Variants in HLA-DQA1 observed in about 807,000 individuals in gnomAD.
HLA-DQA1 encodes HLA class II histocompatibility antigen, DQ alpha 1 chain.
HLA-DQA1 carries 10 observed loss-of-function variants against 20.7 expected under a neutral mutation model. The observed-to-expected ratio is 0.48, with a 90% CI of 0.30 to 0.82. HLA-DQA1 has a LOEUF of 0.82. HLA-DQA1 is among the 40% of genes least tolerant of loss of function. The pLI is 0.07. For missense variants in HLA-DQA1, 127 were observed against 293.0 expected, an observed-to-expected ratio of 0.43 and a Z score of 4.14; for synonymous variants, 39 against 109.2, an observed-to-expected ratio of 0.36 and a Z score of 4.01.
chr6:32,654,295 C>A, the HLA-DQA1 span, among the ~76,000 whole-genome samples: 4 of 75,656 alleles, frequency 5.3e-5, 1 homozygote, highest in African/African-American at 1.3e-4. Context: ...GGCCCTGTCT[C>A]AAAAAAAAAA....
chr6:32,650,844 TATAATAATAATAATA>T (rs199519440), downstream of HLA-DQA1, among the ~76,000 whole-genome samples: 91 of 63,602 alleles, frequency 1.4e-3, 25 homozygotes, highest in African/African-American at 2.6e-3. Context: ...GAGCTTAAAG[TATAATAATAATAATA>T]ATAATAATAA....
Position 32,637,544 on chromosome 6 carries a change from A to T in HLA-DQA1, c.82+4A>T. ...TGTGGAGGTGAAGACATTGTGGGTG[A>T]GTGCATGAGTGAGGGATGTTCTCTG... On this transcript the variant is annotated splice_donor_region_variant and intron_variant, in intron 1 of 4. Coordinates refer to ENST00000343139, the MANE Select transcript of HLA-DQA1 (RefSeq NM_002122.5). 3.6e-6 allele frequency: 4 copies of T among 1,098,164 alleles called. 1 individual carries two copies. The highest frequency in any genetic ancestry group is 5.2e-6 in the Non-Finnish European group (4 of 771,106). 68.0% of individuals were successfully genotyped at this position (1,098,164 alleles called of 1,614,324 possible).
At chr6:32,639,092 C>A in intron 1 of HLA-DQA1, 1 of 244,044 alleles carries the variant, frequency 4.1e-6, no homozygotes, top group South Asian at 3.0e-5. Flanking sequence ...TCACCTGCTT[C>A]TCCAGAGCGC....
At chr6:32,646,038 A>C (rs1781886124), downstream of HLA-DQA1, 2 of 150,252 alleles carry the variant, frequency 1.3e-5, 1 homozygote, top group African/African-American at 4.9e-5. Context: ...TGTATTCAAA[A>C]AATATTTACG....
intron 1 of HLA-DQA1, chr6:32,638,973 T>C: frequency 2.8e-6 from 1 of 358,074 alleles, no homozygotes; most frequent in Non-Finnish European, 5.6e-6. Flanking sequence ...AAACAAAAGT[T>C]GAAAAGTCAG....
At chr6:32,652,583 T>C in the HLA-DQA1 span, among the ~76,000 whole-genome samples, 1 of 151,296 alleles carries the variant, frequency 6.6e-6, no homozygotes, top group African/African-American at 2.4e-5. Flanking sequence ...TTTTTTCAAC[T>C]TTTAGAATTA....
At chr6:32,654,230 G>A in the HLA-DQA1 span, among the ~76,000 whole-genome samples, 1 of 101,924 alleles carries the variant, frequency 9.8e-6, no homozygotes, top group African/African-American at 3.3e-5. Flanking sequence ...ACTGAGCCCA[G>A]GAAGTCAAGG....
downstream of HLA-DQA1, among the ~76,000 whole-genome samples, chr6:32,650,943 T>A (rs28822369): frequency 1.3e-5 from 1 of 77,448 alleles, no homozygotes; most frequent in Admixed American, 1.6e-4. Context: ...GCCCAGGCTG[T>A]AGTGCAGTGG....
the HLA-DQA1 span, among the ~76,000 whole-genome samples, chr6:32,653,410 T>C: frequency 2.1e-5 from 2 of 93,854 alleles, 1 homozygote; most frequent in Non-Finnish European, 4.7e-5. Context: ...ACTACAGGTG[T>C]GTGCCACCAC....
downstream of HLA-DQA1, chr6:32,644,280 T>G (rs28371173): frequency 6.6e-6 from 1 of 152,080 alleles, no homozygotes; most frequent in South Asian, 2.1e-4. Context: ...CTAACCATGC[T>G]ACCTGCATCA....
At chr6:32,640,505 G>GAA (rs9282024) in intron 1 of HLA-DQA1, among the ~76,000 whole-genome samples, 1 of 81,056 alleles carries the variant, frequency 1.2e-5, no homozygotes, top group Non-Finnish European at 2.7e-5. Context: ...GAAAAAGTGT[G>GAA]ATATAAGTGT....
downstream of HLA-DQA1, among the ~76,000 whole-genome samples, chr6:32,647,545 T>TC (rs200709807): frequency 0.097 from 10,244 of 105,694 alleles, 809 homozygotes; most frequent in Middle Eastern, 0.22. Context: ...GCAAAGTTTT[T>TC]TAAAAATGCA....
At chr6:32,642,533 C>T (rs113551974) in intron 3 of HLA-DQA1, 77 bp from the exon 4 acceptor site, 22,012 of 1,237,468 alleles carry the variant, frequency 0.018, 3,505 homozygotes, top group Middle Eastern at 0.054. Context: ...CAGAGCCAAC[C>T]CTCTACCCCA....
At chr6:32,643,968 T>C, downstream of HLA-DQA1, 1 of 146,160 alleles carries the variant, frequency 6.8e-6, no homozygotes, top group Non-Finnish European at 1.5e-5. Context: ...CATGTAGCTT[T>C]CCCTGTGCCA....
chr6:32,643,424 G>T lies in HLA-DQA1; in HGVS notation c.*493G>T, dbSNP rs140118665. ...GTACAGTATAGCCTGATAATATGTT[G>T]ATTTCTTAGCTGACATTAATATTTC... On this transcript the variant is annotated 3_prime_UTR_variant, in exon 5 of 5. Coordinates refer to ENST00000343139, the MANE Select transcript of HLA-DQA1 (RefSeq NM_002122.5). The T allele has an allele frequency of 0.012, 2,683 of 230,962 alleles. 291 individuals are homozygous for T. Among genetic ancestry groups the T allele is most frequent in the Non-Finnish European group, 0.018 (2,076 of 113,616 alleles). 14.3% of individuals were successfully genotyped at this position (230,962 alleles called of 1,614,324 possible).
intron 3 of HLA-DQA1, 88 bp from the exon 4 acceptor site, chr6:32,642,522 G>C: frequency 8.7e-7 from 1 of 1,146,036 alleles, no homozygotes; most frequent in Middle Eastern, 3.1e-4. Context: ...TTGAGTCTTT[G>C]CAGAGCCAAC....
chr6:32,645,114 C>G (rs1186154512), downstream of HLA-DQA1: 1 of 137,542 alleles, frequency 7.3e-6, no homozygotes, highest in African/African-American at 2.6e-5. Context: ...ATATATAACA[C>G]CAAGAGTTAG....
At chr6:32,640,557 GAAA>G (rs75874670) in intron 1 of HLA-DQA1, among the ~76,000 whole-genome samples, 27,089 of 76,442 alleles carry the variant, frequency 0.35, 9,095 homozygotes, top group Middle Eastern at 0.42. Flanking sequence ...TCCTTCACAG[GAAA>G]AAAAAAAAAA....
chr6:32,643,323 G>T lies in HLA-DQA1; in HGVS notation c.*392G>T, dbSNP rs540435913. On this transcript the variant is annotated 3_prime_UTR_variant, in exon 5 of 5. Coordinates refer to ENST00000343139, the MANE Select transcript of HLA-DQA1 (RefSeq NM_002122.5). ...ACTGAAACTATGGCTAATAATTGGG[G>T]TACTCTTATGTTTCAATCCAATTTA... 2 of 261,048 alleles carry T rather than the reference G, an allele frequency of 7.7e-6. 1 individual carries two copies. Among genetic ancestry groups the T allele is most frequent in the Non-Finnish European group, 1.5e-5 (2 of 132,264 alleles). The allele number at this position is 261,048 out of a possible 1,614,324, so 16.2% of individuals were successfully genotyped here.
Sources: gnomAD v4.1 joint callset for allele counts (sites outside exome capture counted in the v4.1 genomes callset) on GRCh38, gnomAD v4.1.1 for gene constraint, MANE v1.5 for transcripts, NCBI Gene and HGNC (gene_info 2026-07-23, HGNC 2026-07-21) for gene names.